Variants in GPR158 observed in about 807,000 individuals in gnomAD.
GPR158 encodes G protein-coupled receptor 158, also known as metabotropic glycine receptor.
GPR158 carries 30 observed loss-of-function variants against 78.2 expected under a neutral mutation model. That is an observed-to-expected ratio of 0.38 (90% CI 0.29 to 0.52). GPR158 has a LOEUF of 0.52. GPR158 is among the 20% of genes least tolerant of loss of function. GPR158 has a pLI of 0.83. For missense variants in GPR158, 1,463 were observed against 1,523.5 expected, an observed-to-expected ratio of 0.96 and a Z score of 0.66; for synonymous variants, 581 against 591.1, an observed-to-expected ratio of 0.98 and a Z score of 0.25.
chr10:25,175,777 C>T lies in GPR158; in HGVS notation c.357C>T (p.His119=). ...PGKWPALASA[H]PSLHRALDTL... ...AGTGGCCAGCCCTGGCCAGCGCGCA[C>T]CCCTCCTTGCACCGGGCGCTGGACA... The change falls in exon 1 of 11, where the codon CAC becomes CAT. Residue 119 remains histidine, a synonymous_variant. Coordinates refer to ENST00000376351, the MANE Select transcript of GPR158 (RefSeq NM_020752.3). The surrounding 1 kb of genome is among the most constrained non-coding windows in gnomAD (Gnocchi z 6.4). 2.5e-6 allele frequency: 4 copies of T among 1,611,314 alleles called. No homozygotes were observed. Among genetic ancestry groups the T allele is most frequent in the Non-Finnish European group, 2.5e-6 (3 of 1,179,948 alleles).
chr10:25,421,171 C>A (rs1036048358), intron 4 of GPR158, among the ~76,000 whole-genome samples: 3 of 152,074 alleles, frequency 2.0e-5, no homozygotes, highest in African/African-American at 7.2e-5. Flanking sequence ...GAGCCTTTTG[C>A]CTCCTTGGTT....
intron 2 of GPR158, among the ~76,000 whole-genome samples, chr10:25,381,485 C>G (rs1416017194): frequency 6.6e-6 from 1 of 152,046 alleles, no homozygotes; most frequent in Admixed American, 6.5e-5. Context: ...TAATGAGGAA[C>G]GTTGCTAGTA....
At chr10:25,356,247 A>G (rs12770371) in intron 2 of GPR158, among the ~76,000 whole-genome samples, 15,169 of 152,016 alleles carry the variant, frequency 0.1, 1,877 homozygotes, top group African/African-American at 0.3. Context: ...TGGCCCAGGA[A>G]CCTGCCTATC....
chr10:25,275,890 G>C (rs951042647), intron 2 of GPR158, among the ~76,000 whole-genome samples: 5 of 152,098 alleles, frequency 3.3e-5, no homozygotes, highest in Non-Finnish European at 7.4e-5. Context: ...TTGACTCCCA[G>C]AGCACTGATG....
intron 2 of GPR158, among the ~76,000 whole-genome samples, chr10:25,362,102 G>A (rs79545266): frequency 0.016 from 2,491 of 151,908 alleles, 34 homozygotes; most frequent in Non-Finnish European, 0.024. Context: ...TAGAAGTTTC[G>A]TGGCTTTAGA....
At chr10:25,304,419 G>T (rs946699626) in intron 2 of GPR158, among the ~76,000 whole-genome samples, 1 of 151,912 alleles carries the variant, frequency 6.6e-6, no homozygotes, top group African/African-American at 2.4e-5. Flanking sequence ...CACAATTCTG[G>T]CTCCAGAAGA....
chr10:25,410,748 G>T (rs1834572420), intron 3 of GPR158, among the ~76,000 whole-genome samples: 1 of 152,218 alleles, frequency 6.6e-6, no homozygotes, highest in Admixed American at 6.5e-5. Context: ...AGGGAACCAT[G>T]TCTGCTTGAC....
intron 5 of GPR158, among the ~76,000 whole-genome samples, chr10:25,549,845 A>T (rs1836706776): frequency 6.6e-6 from 1 of 152,132 alleles, no homozygotes; most frequent in Non-Finnish European, 1.5e-5. Context: ...TACCTACCCC[A>T]TGGCCCCCAG....
At chr10:25,249,742 A>T (rs978270419) in intron 2 of GPR158, among the ~76,000 whole-genome samples, 1 of 152,046 alleles carries the variant, frequency 6.6e-6, no homozygotes, top group Non-Finnish European at 1.5e-5. Flanking sequence ...TTTTGCATCA[A>T]TGTTCATCAA....
chr10:25,562,024 ATTTTTTTTT>A (rs34320289), intron 6 of GPR158, among the ~76,000 whole-genome samples: 1 of 140,804 alleles, frequency 7.1e-6, no homozygotes, highest in Non-Finnish European at 1.5e-5. Flanking sequence ...ATGCAGAAGA[ATTTTTTTTT>A]TTTTTTTTTG....
intron 5 of GPR158, among the ~76,000 whole-genome samples, chr10:25,541,599 CAAA>C (rs35714132): frequency 7.4e-6 from 1 of 135,734 alleles, no homozygotes; most frequent in Non-Finnish European, 1.6e-5. Flanking sequence ...AATTCAGTTT[CAAA>C]AAAAAAAAAA....
chr10:25,323,597 G>T (rs752319723), intron 2 of GPR158, among the ~76,000 whole-genome samples: 4 of 151,502 alleles, frequency 2.6e-5, no homozygotes, highest in Non-Finnish European at 5.9e-5. Flanking sequence ...TGCAATCATA[G>T]GTCACTGCAG....
chr10:25,230,063 T>C (rs1588746691), intron 2 of GPR158, among the ~76,000 whole-genome samples: 1 of 152,216 alleles, frequency 6.6e-6, no homozygotes, highest in African/African-American at 2.4e-5. Context: ...ATTCTTTGAA[T>C]AATGATATAG....
chr10:25,404,813 A>G (rs1465333481), intron 3 of GPR158, among the ~76,000 whole-genome samples: 4 of 152,248 alleles, frequency 2.6e-5, no homozygotes, highest in Admixed American at 2.0e-4. Context: ...AGAAAATCAC[A>G]ATGGCATGTG....
chr10:25,236,273 A>G (rs1194937859), intron 2 of GPR158, among the ~76,000 whole-genome samples: 2 of 152,182 alleles, frequency 1.3e-5, no homozygotes, highest in African/African-American at 2.4e-5. Flanking sequence ...TGGGAGGCCA[A>G]GATGGGCTGA....
At chr10:25,346,776 C>T (rs1564428367) in intron 2 of GPR158, among the ~76,000 whole-genome samples, 3 of 151,876 alleles carry the variant, frequency 2.0e-5, no homozygotes, top group South Asian at 4.1e-4. Flanking sequence ...GAACCTGAAC[C>T]TAGTTACTTC....
At chr10:25,221,917 G>T (rs1033947000) in intron 2 of GPR158, among the ~76,000 whole-genome samples, 1 of 152,160 alleles carries the variant, frequency 6.6e-6, no homozygotes, top group Admixed American at 6.5e-5. Flanking sequence ...AGGAAAGTCA[G>T]CTTGCTTTAT....
intron 5 of GPR158, among the ~76,000 whole-genome samples, chr10:25,490,109 A>G (rs1253759273): frequency 6.6e-6 from 1 of 152,092 alleles, no homozygotes; most frequent in Non-Finnish European, 1.5e-5. Context: ...GTACAACCTC[A>G]AGAGCAGTTA....
intron 2 of GPR158, among the ~76,000 whole-genome samples, chr10:25,294,171 A>G (rs1015754347): frequency 6.6e-6 from 1 of 152,226 alleles, no homozygotes; most frequent in Non-Finnish European, 1.5e-5. Flanking sequence ...CTAATAAAAG[A>G]TGAGTGAGAT....
Sources: allele counts gnomAD v4.1 joint callset (sites outside exome capture counted in the v4.1 genomes callset), GRCh38; gene constraint gnomAD v4.1.1; non-coding constraint Gnocchi (gnomAD v3.1); transcripts MANE v1.5; gene names NCBI Gene and HGNC (gene_info 2026-07-23, HGNC 2026-07-21).